Variants in CACNA2D3 observed in about 807,000 individuals in gnomAD.
CACNA2D3 encodes voltage-dependent calcium channel subunit alpha-2/delta-3.
A neutral mutation model predicts 160.6 loss-of-function variants in CACNA2D3; 60 were observed. The ratio of observed to expected loss-of-function variants is 0.37; its 90% CI spans 0.30 to 0.46. The LOEUF is 0.46. Among genes scored for constraint, CACNA2D3 ranks in the 20% least tolerant of loss-of-function variants. The probability of loss-of-function intolerance (pLI) is 1.00; values close to 1 mark genes in which losing one functional copy is unlikely to be tolerated. For synonymous variants in CACNA2D3, 558 were observed against 492.9 expected, an observed-to-expected ratio of 1.13 and a Z score of -1.75; for missense variants, 1,205 against 1,365.0, an observed-to-expected ratio of 0.88 and a Z score of 1.85.
At chr3:54,501,407 T>G (rs1270433436) in intron 4 of CACNA2D3, among the ~76,000 whole-genome samples, 1 of 14,404 alleles carries the variant, frequency 6.9e-5, no homozygotes, top group African/African-American at 9.3e-5. Flanking sequence ...TCTAACACTA[T>G]TTTTTTTTTT....
chr3:54,867,920 TG>T (rs1184027891), intron 17 of CACNA2D3, among the ~76,000 whole-genome samples: 1 of 152,200 alleles, frequency 6.6e-6, no homozygotes, highest in Non-Finnish European at 1.5e-5. Flanking sequence ...ACATGAAGGA[TG>T]GTTGTACCTT....
At chr3:54,725,172 A>G (rs1418148699) in intron 11 of CACNA2D3, among the ~76,000 whole-genome samples, 2 of 152,232 alleles carry the variant, frequency 1.3e-5, no homozygotes, top group South Asian at 2.1e-4. Context: ...GAAGAAATGG[A>G]TAAATTTCTT....
chr3:54,158,398 A>G (rs912629695), intron 2 of CACNA2D3, among the ~76,000 whole-genome samples: 2 of 152,164 alleles, frequency 1.3e-5, no homozygotes, highest in African/African-American at 4.8e-5. Context: ...TTGTGGGGAA[A>G]AAAGGAGCTC....
intron 13 of CACNA2D3, among the ~76,000 whole-genome samples, chr3:54,782,083 T>A (rs1702548238): frequency 1.3e-5 from 2 of 152,198 alleles, no homozygotes; most frequent in Admixed American, 1.3e-4. Flanking sequence ...ACTTCTAATA[T>A]CCATTGTGGT....
At chr3:54,601,685 C>T (rs1034342996) in intron 9 of CACNA2D3, among the ~76,000 whole-genome samples, 4 of 151,770 alleles carry the variant, frequency 2.6e-5, no homozygotes, top group Admixed American at 6.6e-5. Context: ...ATCTTATACC[C>T]CAGTCACTAG....
chr3:54,477,870 T>A (rs1700857484), intron 4 of CACNA2D3, among the ~76,000 whole-genome samples: 1 of 152,174 alleles, frequency 6.6e-6, no homozygotes, highest in Non-Finnish European at 1.5e-5. Context: ...TTGTACTTGA[T>A]CATTTATGGG....
intron 2 of CACNA2D3, among the ~76,000 whole-genome samples, chr3:54,124,173 G>A (rs761563832): frequency 2.6e-5 from 4 of 152,198 alleles, no homozygotes; most frequent in Non-Finnish European, 5.9e-5. Flanking sequence ...TAACCTATGA[G>A]AGTAGTCCAC....
At chr3:54,180,220 C>T (rs1700758774) in intron 2 of CACNA2D3, among the ~76,000 whole-genome samples, 1 of 151,702 alleles carries the variant, frequency 6.6e-6, no homozygotes, top group African/African-American at 2.4e-5. Context: ...GAAACCCTTG[C>T]CCAACAGTGG....
intron 31 of CACNA2D3, among the ~76,000 whole-genome samples, chr3:54,998,027 G>A (rs1291143315): frequency 3.3e-5 from 5 of 151,974 alleles, no homozygotes; most frequent in Non-Finnish European, 7.4e-5. Flanking sequence ...GATAATCTTG[G>A]ACCTGTGACT....
chr3:54,277,537 A>G (rs909443906), intron 2 of CACNA2D3, among the ~76,000 whole-genome samples: 3 of 152,130 alleles, frequency 2.0e-5, no homozygotes, highest in African/African-American at 4.8e-5. Flanking sequence ...GTAGCCTTGT[A>G]GTATAGTTTG....
At chr3:54,919,266 G>GA (rs1700766087) in intron 27 of CACNA2D3, among the ~76,000 whole-genome samples, 1 of 152,210 alleles carries the variant, frequency 6.6e-6, no homozygotes, top group African/African-American at 2.4e-5. Flanking sequence ...GAGCCCCACA[G>GA]ACAAGAAAAC....
chr3:54,840,684 C>T (rs1223228806), intron 16 of CACNA2D3, among the ~76,000 whole-genome samples: 1 of 149,356 alleles, frequency 6.7e-6, no homozygotes, highest in Non-Finnish European at 1.5e-5. Flanking sequence ...GCTGGGATTA[C>T]AGGCGTGAGC....
At chr3:55,061,584 T>C (rs2107221221) in intron 35 of CACNA2D3, among the ~76,000 whole-genome samples, 1 of 152,336 alleles carries the variant, frequency 6.6e-6, no homozygotes, top group Admixed American at 6.5e-5. Flanking sequence ...TACTCAAGTT[T>C]CCCAAAGGTT....
At chr3:54,243,463 C>T (rs1702010788) in intron 2 of CACNA2D3, among the ~76,000 whole-genome samples, 1 of 152,180 alleles carries the variant, frequency 6.6e-6, no homozygotes, top group East Asian at 1.9e-4. Context: ...GGTGACCCAT[C>T]TCCACAGCTT....
intron 2 of CACNA2D3, among the ~76,000 whole-genome samples, chr3:54,302,509 C>G (rs1703501784): frequency 6.6e-6 from 1 of 152,170 alleles, no homozygotes; most frequent in Non-Finnish European, 1.5e-5. Context: ...GGTGGATCCT[C>G]TTCTAATTCT....
intron 2 of CACNA2D3, among the ~76,000 whole-genome samples, chr3:54,307,380 A>G (rs1703637365): frequency 6.6e-6 from 1 of 152,126 alleles, no homozygotes; most frequent in Admixed American, 6.6e-5. Context: ...ACCTGCTGCA[A>G]TCTCCTGGAG....
chr3:54,821,176 A>G (rs555557712), intron 14 of CACNA2D3, among the ~76,000 whole-genome samples: 1 of 152,360 alleles, frequency 6.6e-6, no homozygotes, highest in Non-Finnish European at 1.5e-5. Context: ...ACACCGTATT[A>G]GTTAATATCA....
chr3:54,738,021 A>G (rs1352289341), intron 11 of CACNA2D3, among the ~76,000 whole-genome samples: 2 of 152,212 alleles, frequency 1.3e-5, no homozygotes, highest in East Asian at 1.9e-4. Flanking sequence ...CTGGATAGCA[A>G]TGGAAGAGCT....
intron 2 of CACNA2D3, among the ~76,000 whole-genome samples, chr3:54,241,488 G>A (rs1701973123): frequency 6.6e-6 from 1 of 152,232 alleles, no homozygotes; most frequent in Admixed American, 6.5e-5. Context: ...TCAGCAAAGG[G>A]ACTGTCTGGT....
Sources: gnomAD v4.1 joint callset for allele counts (sites outside exome capture counted in the v4.1 genomes callset) on GRCh38, gnomAD v4.1.1 for gene constraint, MANE v1.5 for transcripts, NCBI Gene and HGNC (gene_info 2026-07-23, HGNC 2026-07-21) for gene names.